The following MIER2 variants were observed in gnomAD, a reference collection of about 807,000 sequenced individuals.
MIER2 encodes MIER family member 2, also known as mesoderm induction early response protein 2.
In MIER2, 30 loss-of-function variants were observed where a neutral mutation model predicts 67.6. The observed-to-expected ratio is 0.44, with a 90% confidence interval of 0.33 to 0.60. The LOEUF (loss-of-function observed/expected upper bound fraction) is 0.60. Among genes scored for constraint, MIER2 ranks in the 20% least tolerant of loss-of-function variants. The pLI is 0.02. For missense variants in MIER2, 702 were observed against 745.1 expected (o/e 0.94, Z 0.67); for synonymous variants, 372 against 312.6 (o/e 1.19, Z -2.00).
chr19:306,895 C>G (rs2145312818), intron 13 of MIER2, among the ~76,000 whole-genome samples, 184 bp from the exon 14 acceptor site: 1 of 152,356 alleles, frequency 6.6e-6, no homozygotes, highest in Middle Eastern at 3.4e-3. Flanking sequence ...AGCCTGGCAC[C>G]TGCTCCCATT....
chr19:324,654 T>A (rs569424453), intron 7 of MIER2, among the ~76,000 whole-genome samples: 6 of 148,552 alleles, frequency 4.0e-5, no homozygotes, highest in Non-Finnish European at 7.4e-5. Flanking sequence ...CACAATGCAA[T>A]ACACAGGACA....
chr19:311,885 C>T lies in MIER2; in HGVS notation c.944G>A (p.Arg315His), dbSNP rs1411899127. The T allele has an allele frequency of 1.9e-6, 3 of 1,613,950 alleles. No individual in the cohort carries two copies. The highest frequency in any genetic ancestry group is 1.3e-5 in the African/African-American group (1 of 74,934). The change falls in exon 10 of 14, where the codon CGT becomes CAT. Residue 315 changes from arginine (R) to histidine (H), a missense_variant. Around this residue, in one of 3 missense-constraint regions of MIER2, gnomAD observed 128 missense variants for 189.7 expected, o/e 0.67. Coordinates refer to ENST00000264819, the MANE Select transcript of MIER2 (RefSeq NM_017550.3). ...CAGGTGAAAGTTCTTTCCATGCACA[C>T]GGAAGCCGTGCTCAAAGTTCCTGCA... is the stretch of plus-strand genomic sequence containing the variant. ...EECRNFEHGF[R>H]VHGKNFHLIQ...
At chr19:324,569 G>A (rs568705948) in intron 7 of MIER2, among the ~76,000 whole-genome samples, 2 of 135,536 alleles carry the variant, frequency 1.5e-5, no homozygotes, top group South Asian at 2.3e-4. Flanking sequence ...CGACTCGAAT[G>A]ACACAGACGT....
intron 3 of MIER2, among the ~76,000 whole-genome samples, chr19:329,193 T>C (rs1313166798): frequency 2.6e-5 from 4 of 152,122 alleles, no homozygotes; most frequent in African/African-American, 9.7e-5. Flanking sequence ...CCTGGGGGCT[T>C]CAAGTCCACA....
chr19:315,693 G>A (rs150044569), intron 7 of MIER2, among the ~76,000 whole-genome samples: 61 of 152,324 alleles, frequency 4.0e-4, no homozygotes, highest in Middle Eastern at 3.4e-3. Flanking sequence ...AAAGAACACC[G>A]TTTAGGGTAG....
chr19:343,735 G>A, intron 1 of MIER2: 1 of 670,368 alleles, frequency 1.5e-6, no homozygotes, highest in Non-Finnish European at 1.8e-6. Flanking sequence ...CCCGCCTGTC[G>A]TAACTTCTGC....
At chr19:344,023 GA>G (rs1259631613) in intron 1 of MIER2, 5 of 985,294 alleles carry the variant, frequency 5.1e-6, no homozygotes, top group East Asian at 1.1e-4. Context: ...CCTCAAATTG[GA>G]AAAATTCTGG....
rs147921711 is a variant in MIER2, at chr19:320,036, T to C, written c.655+5599A>G. Among the ~76,000 whole-genome samples, 239 of 152,290 alleles carry C rather than the reference T, an allele frequency of 1.6e-3. 1 individual carries two copies. Among genetic ancestry groups the C allele is most frequent in the African/African-American group, 5.4e-3 (224 of 41,562 alleles). ...CACCAGGGGATACACAGCATTTTCA[T>C]CAAGCAATCAATACATAAACTTGTT... On this transcript the variant is annotated intron_variant, in intron 7 of 13. Transcript: ENST00000264819.
Position 306,594 on chromosome 19 carries a change from C to CG in MIER2, c.*95dup. The CG allele has an allele frequency of 2.0e-6, 3 of 1,504,416 alleles. No homozygotes were observed. The highest frequency in any genetic ancestry group is 1.8e-6 in the Non-Finnish European group (2 of 1,106,440). 93.2% of individuals were successfully genotyped at this position (1,504,416 alleles called of 1,614,324 possible). ...CAGAAGGAGGTGCTACCCCAAGGCCCGGGGGGTGGGGAAGGGGTCAGGAAG... is the reference window on the plus strand; with the variant it reads ...CAGAAGGAGGTGCTACCCCAAGGCCCGGGGGGGTGGGGAAGGGGTCAGGAAG... On this transcript the variant is annotated 3_prime_UTR_variant, in exon 14 of 14. Transcript: ENST00000264819.
At position 325,662 on chromosome 19, in the gene MIER2, G is replaced by A. The variant is rs200512559; in HGVS notation, c.628C>T (p.Leu210=). 1.2e-5 allele frequency: 20 copies of A among 1,614,098 alleles called. No homozygotes were observed. Among genetic ancestry groups the A allele is most frequent in the Non-Finnish European group, 1.7e-5 (20 of 1,180,042 alleles). ...GPQFQADLSN[L]HLNRHCEKIY... ...TTCTCACAGTGCCGGTTCAAGTGCA[G>A]GTTGCTGAGGTCAGCTTGGAACTGA... The change falls in exon 7 of 14, where the codon CTG becomes TTG. Residue 210 remains leucine, a synonymous_variant. Coordinates refer to ENST00000264819, the MANE Select transcript of MIER2 (RefSeq NM_017550.3).
chr19:339,043 TG>T (rs1444964023), intron 1 of MIER2, among the ~76,000 whole-genome samples: 1 of 144,278 alleles, frequency 6.9e-6, no homozygotes, highest in Admixed American at 7.1e-5. Flanking sequence ...GATTTGGCAA[TG>T]GTTTCTTAGA....
chr19:318,505 T>C (rs1971356482), intron 7 of MIER2, among the ~76,000 whole-genome samples: 2 of 152,136 alleles, frequency 1.3e-5, no homozygotes, highest in Admixed American at 1.3e-4. Flanking sequence ...GAGGAGGTCA[T>C]TAACAATCTT....
In MIER2 at chr19:325,628, T is replaced by A. The variant is rs1269053118; in HGVS notation, c.655+7A>T. The A allele has an allele frequency of 1.2e-6, 2 of 1,614,058 alleles. No individual in the cohort carries two copies. Among genetic ancestry groups the A allele is most frequent in the Non-Finnish European group, 1.7e-6 (2 of 1,180,026 alleles). On this transcript the variant is annotated splice_region_variant and intron_variant, in intron 7 of 13. Transcript: ENST00000264819. ...GGTTTCGCCTCCTCTCCCCAGGCCC[T>A]ACTTACTCTTCTCACAGTGCCGGTT... is the stretch of plus-strand genomic sequence containing the variant.
chr19:320,096 C>T (rs1481800862), intron 7 of MIER2, among the ~76,000 whole-genome samples: 11 of 152,068 alleles, frequency 7.2e-5, no homozygotes, highest in African/African-American at 9.7e-5. Flanking sequence ...TACTGCAGGC[C>T]GGGTGCAGTG....
rs376266116 is a variant in MIER2, at chr19:313,653, C to T, written c.656-10G>A. 5 of 1,608,020 alleles carry T rather than the reference C, an allele frequency of 3.1e-6. No individual in the cohort carries two copies. In the African/African-American group the frequency reaches 6.7e-5, roughly 21 times the overall value. On this transcript the variant is annotated splice_polypyrimidine_tract_variant and intron_variant, in intron 7 of 13. Transcript: ENST00000264819. ...TCTTCGTTCTCGTAGACTGCACAAGCAGAGGGCAAAGGTCAGCTTGCAGGA... is the reference window on the plus strand; with the variant it reads ...TCTTCGTTCTCGTAGACTGCACAAGTAGAGGGCAAAGGTCAGCTTGCAGGA...
At chr19:313,352 G>A in intron 8 of MIER2, 140 bp downstream of exon 8, 3 of 1,363,984 alleles carry the variant, frequency 2.2e-6, no homozygotes, top group South Asian at 1.4e-5. Context: ...CTGAGTAGCT[G>A]TTCCAGTGCC....
Position 336,194 on chromosome 19 carries a change from G to C in MIER2, c.10-21C>G, listed in dbSNP as rs751598795. On this transcript the variant is annotated intron_variant, in intron 1 of 13. Transcript: ENST00000264819. Reference sequence around the variant, plus strand: ...GAGGCCTGCGAAGGAAGAGAGGCAGGGTTAGCTCGGCCGGCCCAAAACCTG... The same window carrying C: ...GAGGCCTGCGAAGGAAGAGAGGCAGCGTTAGCTCGGCCGGCCCAAAACCTG... 6 of 1,604,886 alleles carry C rather than the reference G, an allele frequency of 3.7e-6. 1 individual carries two copies. In the South Asian group the frequency reaches 6.6e-5, roughly 18 times the overall value.
intron 1 of MIER2, among the ~76,000 whole-genome samples, chr19:342,430 G>C (rs1275475135): frequency 1.3e-5 from 2 of 151,918 alleles, no homozygotes; most frequent in African/African-American, 4.8e-5. Flanking sequence ...CAAATGGGTA[G>C]AGTGCACCAG....
rs139224930 is a variant in MIER2 at position 340,193 on chromosome 19, C to G, written c.10-4020G>C. Reference sequence around the variant, plus strand: ...CACAGCAGGTTCAGTGGTGCAGTTACAAAGTGGAGCTCAGGCCAGCGGCTT... The same window carrying G: ...CACAGCAGGTTCAGTGGTGCAGTTAGAAAGTGGAGCTCAGGCCAGCGGCTT... On this transcript the variant is annotated intron_variant, in intron 1 of 13. Transcript: ENST00000264819. Among the ~76,000 whole-genome samples, 16 of 152,298 alleles carry G rather than the reference C, an allele frequency of 1.1e-4. No homozygotes were observed. The East Asian group carries it at 3.1e-3, about 29-fold the overall frequency.
Sources: allele counts gnomAD v4.1 joint callset (sites outside exome capture counted in the v4.1 genomes callset), GRCh38; gene constraint gnomAD v4.1.1; regional missense constraint gnomAD v4.1.1; transcripts MANE v1.5; gene names NCBI Gene and HGNC (gene_info 2026-07-23, HGNC 2026-07-21).